MAEL: variants seen among roughly 807,000 people sequenced by gnomAD.
The protein encoded by MAEL is maelstrom spermatogenic transposon silencer.
In MAEL, 46 loss-of-function variants were observed where a neutral mutation model predicts 62.0. That is an observed-to-expected ratio of 0.74 (90% CI 0.59 to 0.95). MAEL has a LOEUF of 0.95. Ranked by LOEUF, MAEL falls within the 40% of genes least tolerant of loss-of-function variation. The probability of loss-of-function intolerance (pLI) is 0.00; values close to 1 mark genes in which losing one functional copy is unlikely to be tolerated. For synonymous variants in MAEL, 172 were observed against 175.5 expected, an observed-to-expected ratio of 0.98 and a Z score of 0.16; for missense variants, 497 against 526.8, an observed-to-expected ratio of 0.94 and a Z score of 0.55.
upstream of MAEL, among the ~76,000 whole-genome samples, chr1:166,987,549 A>G (rs1178800363): frequency 6.6e-6 from 1 of 152,188 alleles, no homozygotes; most frequent in Non-Finnish European, 1.5e-5. Context: ...GGGTCCTATG[A>G]TAAGTATAAG....
At chr1:167,021,000 G>A (rs979669081) in intron 10 of MAEL, 85 bp from the exon 11 acceptor site, 3 of 996,492 alleles carry the variant, frequency 3.0e-6, no homozygotes, top group Non-Finnish European at 4.7e-6. Context: ...CATTTTTAAA[G>A]AGTAATATGA....
intron 1 of MAEL, 37 bp from the exon 2 acceptor site, chr1:166,989,700 G>T (rs41269702): frequency 0.2 from 313,864 of 1,594,094 alleles, 32,011 homozygotes; most frequent in African/African-American, 0.35. Flanking sequence ...GGATCCTCAC[G>T]GCTGTTTCTC....
rs976541329 is a variant in MAEL, at chr1:167,021,701, A to C, written c.1151A>C (p.Gln384Pro). ...DYPSRAKISGQNSSVRGRGIT... is the reference protein window; with the variant it reads ...DYPSRAKISGPNSSVRGRGIT... ...CCATCTAGGGCAAAAATTTCTGGCC[A>C]AAACAGCAGCGTTCGGGGAAGAGGA... The change falls in exon 12 of 12, where the codon CAA (glutamine) becomes CCA (proline). Residue 384 changes from glutamine to proline, a missense_variant. Coordinates refer to ENST00000367872, the MANE Select transcript of MAEL (RefSeq NM_032858.3). The C allele has an allele frequency of 4.1e-5, 66 of 1,609,536 alleles. No individual in the cohort carries two copies. Among genetic ancestry groups the C allele is most frequent in the Non-Finnish European group, 5.5e-5 (65 of 1,178,672 alleles).
chr1:166,998,673 G>T lies in MAEL; in HGVS notation c.523+4604G>T, dbSNP rs570874423. Among the ~76,000 whole-genome samples, 345 of 152,120 alleles carry T rather than the reference G, an allele frequency of 2.3e-3. 4 individuals are homozygous for T. The highest frequency in any genetic ancestry group is 7.9e-3 in the African/African-American group (329 of 41,526). On this transcript the variant is annotated intron_variant, in intron 5 of 11. Coordinates refer to ENST00000367872, the MANE Select transcript of MAEL (RefSeq NM_032858.3). ...GGTGTGTGCTCTTTATCAGGATAAA[G>T]ATGTTTCCCTCTACATGCACACCTT...
intron 3 of MAEL, 105 bp downstream of exon 3, chr1:166,991,582 T>G: frequency 1.5e-6 from 1 of 687,768 alleles, no homozygotes; most frequent in South Asian, 1.7e-5. Context: ...CGTTTCAAAG[T>G]AAATAACTGC....
chr1:166,993,925 A>C (rs1664297024), intron 4 of MAEL, 103 bp from the exon 5 acceptor site: 1 of 779,126 alleles, frequency 1.3e-6, no homozygotes, highest in Non-Finnish European at 2.0e-6. Flanking sequence ...CATGTAATAA[A>C]AATTACCTTT....
chr1:166,981,614 C>T (rs1663760657), intron 1 of MAEL, among the ~76,000 whole-genome samples: 1 of 152,028 alleles, frequency 6.6e-6, no homozygotes, highest in South Asian at 2.1e-4. Context: ...ATCAGTAGTC[C>T]TGGTCAGAGA....
chr1:166,986,401 A>G (rs10918605), upstream of MAEL, among the ~76,000 whole-genome samples: 39,843 of 152,130 alleles, frequency 0.26, 5,604 homozygotes, highest in African/African-American at 0.37. Context: ...TGATACCAAC[A>G]TGGGAGACAG....
At chr1:166,978,627 T>G (rs1663665025) in intron 1 of MAEL, among the ~76,000 whole-genome samples, 1 of 152,172 alleles carries the variant, frequency 6.6e-6, no homozygotes, top group Non-Finnish European at 1.5e-5. Flanking sequence ...AAATCTGCAG[T>G]TTAACCACTT....
intron 5 of MAEL, among the ~76,000 whole-genome samples, chr1:167,001,129 G>A (rs1664644071): frequency 6.6e-6 from 1 of 152,126 alleles, no homozygotes; most frequent in Non-Finnish European, 1.5e-5. Flanking sequence ...GGATGGGATT[G>A]GAGACTGTTA....
chr1:167,006,603 A>ATG, intron 8 of MAEL, among the ~76,000 whole-genome samples: 1 of 60,532 alleles, frequency 1.7e-5, no homozygotes, highest in Non-Finnish European at 3.0e-5. Flanking sequence ...GTTTTTTACT[A>ATG]TATATATATA....
rs575162218 is a variant in MAEL at position 166,998,213 on chromosome 1, A to C, written c.523+4144A>C. On this transcript the variant is annotated intron_variant, in intron 5 of 11. Coordinates refer to ENST00000367872, the MANE Select transcript of MAEL (RefSeq NM_032858.3). ...GTTTTACATTAGGTCATTTTGGAGA[A>C]AACTGGTATCTTCATTATATTGAAT... Among the ~76,000 whole-genome samples the C allele has an allele frequency of 3.3e-5, 5 of 152,316 alleles. No homozygotes were observed. In the East Asian group the frequency reaches 9.6e-4, roughly 29 times the overall value.
At chr1:166,985,757 C>G (rs1376545206), upstream of MAEL, among the ~76,000 whole-genome samples, 2 of 152,040 alleles carry the variant, frequency 1.3e-5, no homozygotes, top group Admixed American at 6.6e-5. Context: ...TTTACAATGA[C>G]CAGCATCCAA....
At chr1:167,001,112 G>A (rs1664643214) in intron 5 of MAEL, among the ~76,000 whole-genome samples, 1 of 152,174 alleles carries the variant, frequency 6.6e-6, no homozygotes. Context: ...GGCATTCGCA[G>A]CAACCTGGAT....
chr1:166,999,373 A>G (rs779857752), intron 5 of MAEL, among the ~76,000 whole-genome samples: 2 of 152,254 alleles, frequency 1.3e-5, no homozygotes, highest in Non-Finnish European at 2.9e-5. Flanking sequence ...GTCAGAATAG[A>G]TCAACATTCT....
intron 8 of MAEL, among the ~76,000 whole-genome samples, chr1:167,014,684 AG>A (rs1180885804): frequency 4.6e-5 from 7 of 152,158 alleles, no homozygotes; most frequent in Non-Finnish European, 1.0e-4. Context: ...TTGGGTTGAA[AG>A]GGGGGACCTT....
At chr1:166,980,155 C>A (rs1013111747) in intron 1 of MAEL, among the ~76,000 whole-genome samples, 1 of 152,028 alleles carries the variant, frequency 6.6e-6, no homozygotes, top group Non-Finnish European at 1.5e-5. Flanking sequence ...GTAGCTGGGA[C>A]TGCAAGTGCA....
chr1:167,001,371 C>T (rs546168500), intron 5 of MAEL, among the ~76,000 whole-genome samples: 5 of 152,260 alleles, frequency 3.3e-5, no homozygotes, highest in African/African-American at 9.6e-5. Flanking sequence ...AGAACTTACT[C>T]GTGTGACCAA....
At chr1:166,984,284 C>T (rs536497594), upstream of MAEL, among the ~76,000 whole-genome samples, 4 of 152,298 alleles carry the variant, frequency 2.6e-5, no homozygotes, top group East Asian at 7.7e-4. Flanking sequence ...GCCATCATCA[C>T]CCACATGGAC....
Sources: gnomAD v4.1 joint callset for allele counts (sites outside exome capture counted in the v4.1 genomes callset) on GRCh38, gnomAD v4.1.1 for gene constraint, MANE v1.5 for transcripts, NCBI Gene and HGNC (gene_info 2026-07-23, HGNC 2026-07-21) for gene names.